Variants in TMTC2 observed in about 807,000 individuals in gnomAD.
The protein encoded by TMTC2 is transmembrane O-mannosyltransferase targeting cadherins 2.
In TMTC2, 43 loss-of-function variants were observed where a neutral mutation model predicts 82.4. That is an observed-to-expected ratio of 0.52 (90% confidence interval 0.41 to 0.67). The LOEUF is 0.67. TMTC2 is among the 30% of genes least tolerant of loss of function. The pLI is 0.00. For synonymous variants in TMTC2, 408 were observed against 381.9 expected (o/e 1.07, Z -0.80); for missense variants, 919 against 1,012.4 (o/e 0.91, Z 1.25).
intron 11 of TMTC2, among the ~76,000 whole-genome samples, chr12:83,069,790 A>G (rs531612886): frequency 3.3e-5 from 5 of 150,986 alleles, no homozygotes; most frequent in African/African-American, 4.9e-5. Flanking sequence ...TTTTTTTTCA[A>G]TATTATCTTT....
chr12:82,810,853 A>AT (rs1868361024), intron 1 of TMTC2, among the ~76,000 whole-genome samples: 1 of 152,092 alleles, frequency 6.6e-6, no homozygotes, highest in Non-Finnish European at 1.5e-5. Context: ...CTGCTACCTT[A>AT]TGAAGAAGGT....
intron 11 of TMTC2, among the ~76,000 whole-genome samples, chr12:83,127,300 A>G (rs1885125758): frequency 6.6e-6 from 1 of 152,190 alleles, no homozygotes; most frequent in Non-Finnish European, 1.5e-5. Context: ...TTTTAGCAAC[A>G]TGAATAAATC....
intron 1 of TMTC2, among the ~76,000 whole-genome samples, chr12:82,772,811 G>A (rs1394216937): frequency 2.0e-5 from 3 of 151,988 alleles, no homozygotes; most frequent in Non-Finnish European, 2.9e-5. Context: ...TAAATTCTAC[G>A]TTGGGTGCTT....
intron 3 of TMTC2, among the ~76,000 whole-genome samples, chr12:82,909,291 C>T (rs1394530421): frequency 6.6e-6 from 1 of 152,024 alleles, no homozygotes; most frequent in Non-Finnish European, 1.5e-5. Context: ...AAGGTGAATA[C>T]CATCTTCACA....
chr12:83,063,543 A>T (rs934662075), intron 11 of TMTC2, among the ~76,000 whole-genome samples: 1 of 151,904 alleles, frequency 6.6e-6, no homozygotes, highest in African/African-American at 2.4e-5. Context: ...TACCTTTGTG[A>T]TCCCTATTCT....
chr12:82,713,355 CGAGAAAGA>C (rs1464465661), intron 1 of TMTC2, among the ~76,000 whole-genome samples: 1 of 151,658 alleles, frequency 6.6e-6, no homozygotes, highest in African/African-American at 2.4e-5. Context: ...AAACAAAAAC[CGAGAAAGA>C]GAGAAAGAGT....
intron 11 of TMTC2, among the ~76,000 whole-genome samples, chr12:83,124,771 G>T (rs182317305): frequency 7.9e-4 from 120 of 152,130 alleles, no homozygotes; most frequent in Admixed American, 2.8e-3. Flanking sequence ...GAAGAATTTG[G>T]ATCCTTTTCT....
intron 9 of TMTC2, among the ~76,000 whole-genome samples, chr12:83,040,376 G>A (rs1351006969): frequency 2.6e-5 from 4 of 152,160 alleles, no homozygotes; most frequent in Non-Finnish European, 4.4e-5. Flanking sequence ...TGATCATTGT[G>A]TTCTTGAAGG....
At chr12:82,850,868 A>G (rs1870939943) in intron 1 of TMTC2, among the ~76,000 whole-genome samples, 1 of 151,728 alleles carries the variant, frequency 6.6e-6, no homozygotes, top group Admixed American at 6.6e-5. Context: ...GATGGAGACC[A>G]TCCTGGCCAA....
chr12:82,735,761 T>C (rs1235521588), intron 1 of TMTC2, among the ~76,000 whole-genome samples: 1 of 151,676 alleles, frequency 6.6e-6, no homozygotes, highest in Non-Finnish European at 1.5e-5. Context: ...GGTCAGGAGT[T>C]CAAGACCAGC....
At position 83,077,333 on chromosome 12, in the gene TMTC2, C is replaced by G. The variant is rs563567014; in HGVS notation, c.2331+15502C>G. On this transcript the variant is annotated intron_variant, in intron 11 of 11. Transcript: ENST00000321196. ...AGGTGAAGTGAAACCAAGAGGAACC[C>G]GAACAAACAGACCTTGCCCGGTTCT... Among the ~76,000 whole-genome samples the G allele has an allele frequency of 5.8e-4, 88 of 152,150 alleles. 2 individuals are homozygous for G. The South Asian group carries it at 9.1e-3, about 16-fold the overall frequency.
intron 11 of TMTC2, among the ~76,000 whole-genome samples, chr12:83,072,094 CCTT>C (rs1245254791): frequency 6.6e-6 from 1 of 151,916 alleles, no homozygotes; most frequent in Non-Finnish European, 1.5e-5. Context: ...CGAGGTGTGA[CCTT>C]AGATTGTCAA....
chr12:82,739,647 A>G (rs950712001), intron 1 of TMTC2, among the ~76,000 whole-genome samples: 2 of 151,618 alleles, frequency 1.3e-5, no homozygotes, highest in Non-Finnish European at 2.9e-5. Context: ...ATTTATTTCT[A>G]TAAGACATTT....
intron 2 of TMTC2, among the ~76,000 whole-genome samples, chr12:82,882,627 A>G (rs1872889722): frequency 6.6e-6 from 1 of 152,132 alleles, no homozygotes; most frequent in Admixed American, 6.5e-5. Flanking sequence ...TTTGCTCTGA[A>G]TTACTAATAG....
intron 3 of TMTC2, among the ~76,000 whole-genome samples, chr12:82,922,708 C>T (rs753487965): frequency 1.3e-5 from 2 of 152,084 alleles, no homozygotes; most frequent in Non-Finnish European, 2.9e-5. Flanking sequence ...TTGTAATATA[C>T]ACTATGTTAA....
chr12:82,963,792 CATATATATATATATATATATATATAT>C lies in TMTC2; in HGVS notation c.1599-1199_1599-1174del, dbSNP rs58960088. ...TCAGATTAACTGTTGTCCAGATTTTCATATATATATATATATATATATATATATATATATATATATATATATATATA... is the reference window on the plus strand; with the variant it reads ...TCAGATTAACTGTTGTCCAGATTTTCATATATATATATATATATATATATA... On this transcript the variant is annotated intron_variant, in intron 4 of 11. Coordinates refer to ENST00000321196, the MANE Select transcript of TMTC2 (RefSeq NM_152588.3). Among the ~76,000 whole-genome samples, 276 of 53,056 alleles carry C rather than the reference CATATATATATATATATATATATATAT, an allele frequency of 5.2e-3. 12 individuals carry two copies. In the Middle Eastern group the frequency reaches 0.065, roughly 12 times the overall value. 34.8% of individuals were successfully genotyped at this position (53,056 alleles called of 152,430 possible).
intron 1 of TMTC2, among the ~76,000 whole-genome samples, chr12:82,772,184 A>C (rs910501975): frequency 5.9e-5 from 9 of 152,328 alleles, no homozygotes; most frequent in African/African-American, 2.2e-4. Flanking sequence ...GTTTATCTTG[A>C]TAAGGGGTTC....
intron 11 of TMTC2, among the ~76,000 whole-genome samples, chr12:83,070,083 T>C (rs142266248): frequency 2.0e-5 from 3 of 152,336 alleles, no homozygotes; most frequent in African/African-American, 7.2e-5. Flanking sequence ...TTTTGGTGTC[T>C]GTGGCCTTAG....
intron 8 of TMTC2, among the ~76,000 whole-genome samples, chr12:83,001,982 A>G (rs1326766162): frequency 6.6e-6 from 1 of 152,216 alleles, no homozygotes; most frequent in Admixed American, 6.5e-5. Flanking sequence ...TATCAGAATG[A>G]TGCTGGCTTC....
Sources: allele counts gnomAD v4.1 joint callset (sites outside exome capture counted in the v4.1 genomes callset), GRCh38; gene constraint gnomAD v4.1.1; transcripts MANE v1.5; gene names NCBI Gene and HGNC (gene_info 2026-07-23, HGNC 2026-07-21).